Variants in IGF1R observed in about 807,000 individuals in gnomAD.
The protein encoded by IGF1R is insulin-like growth factor 1 receptor.
Under a neutral mutation model 144.6 loss-of-function variants are expected in IGF1R, and 44 were observed. The observed-to-expected ratio is 0.30, with a 90% CI of 0.24 to 0.39. IGF1R has a LOEUF of 0.39. Ranked by LOEUF, IGF1R falls within the 10% of genes least tolerant of loss-of-function variation. IGF1R has a pLI of 1.00. For synonymous variants in IGF1R, 795 were observed against 722.8 expected, an observed-to-expected ratio of 1.10 and a Z score of -1.60; for missense variants, 1,355 against 1,833.7, an observed-to-expected ratio of 0.74 and a Z score of 4.77.
At chr15:98,840,174 A>G (rs2011149311) in intron 2 of IGF1R, among the ~76,000 whole-genome samples, 1 of 151,442 alleles carries the variant, frequency 6.6e-6, no homozygotes, top group African/African-American at 2.4e-5. Context: ...ACTGTCACGG[A>G]CTCTCTCCCC....
intron 1 of IGF1R, among the ~76,000 whole-genome samples, chr15:98,698,374 T>C (rs2053646712): frequency 6.6e-6 from 1 of 152,206 alleles, no homozygotes. Context: ...TCAGTTTAAG[T>C]ACCTTTACAC....
intron 2 of IGF1R, among the ~76,000 whole-genome samples, chr15:98,800,918 G>T (rs1468305434): frequency 2.0e-5 from 3 of 152,188 alleles, no homozygotes; most frequent in African/African-American, 4.8e-5. Context: ...CATTTTAAAG[G>T]ATATTGTTCA....
chr15:98,855,034 T>G (rs1176458736), intron 2 of IGF1R, among the ~76,000 whole-genome samples: 2 of 152,090 alleles, frequency 1.3e-5, no homozygotes, highest in Non-Finnish European at 2.9e-5. Flanking sequence ...TAGAACCACC[T>G]TCATACAGCC....
At chr15:98,902,649 T>TGG (rs2014543288) in intron 5 of IGF1R, among the ~76,000 whole-genome samples, 1 of 151,520 alleles carries the variant, frequency 6.6e-6, no homozygotes, top group Admixed American at 6.6e-5. Context: ...CTCCTGACCT[T>TGG]GTGATCCGCC....
Position 98,935,298 on chromosome 15 carries a change from CTT to C in IGF1R, c.3187-14_3187-13del. The C allele has an allele frequency of 6.6e-7, 1 of 1,515,880 alleles. No homozygotes were observed. The highest frequency in any genetic ancestry group is 9.0e-7 in the Non-Finnish European group (1 of 1,115,392). 93.9% of individuals were successfully genotyped at this position (1,515,880 alleles called of 1,614,324 possible). ...GCCACCTGACCCTCTGAGTCTTTCT[CTT>C]TTTGATTCCTCCCAGGTGCGATTGC... On this transcript the variant is annotated splice_polypyrimidine_tract_variant and intron_variant, in intron 16 of 20. Coordinates refer to ENST00000650285, the MANE Select transcript of IGF1R (RefSeq NM_000875.5). The surrounding 1 kb of genome is among the most constrained non-coding windows in gnomAD (Gnocchi z 4.2).
At chr15:98,888,415 G>A (rs2013742305) in intron 2 of IGF1R, among the ~76,000 whole-genome samples, 1 of 144,792 alleles carries the variant, frequency 6.9e-6, no homozygotes, top group African/African-American at 2.6e-5. Context: ...TCTTCAAGTG[G>A]GGGTTTGATG....
At chr15:98,689,876 T>G (rs1299468362) in intron 1 of IGF1R, among the ~76,000 whole-genome samples, 1 of 152,150 alleles carries the variant, frequency 6.6e-6, no homozygotes, top group African/African-American at 2.4e-5. Flanking sequence ...CACACTGTCC[T>G]CACGCTGCCC....
intron 2 of IGF1R, among the ~76,000 whole-genome samples, chr15:98,714,865 A>G (rs1442701490): frequency 6.6e-6 from 1 of 152,082 alleles, no homozygotes; most frequent in Admixed American, 6.5e-5. Context: ...GTTTCTGTTA[A>G]GCACTGTGTG....
rs2017108087 is a variant in IGF1R, at chr15:98,958,681, TCATCTATA to T, written c.*1241_*1248del. 3 of 229,784 alleles carry T rather than the reference TCATCTATA, an allele frequency of 1.3e-5. No homozygotes were observed. The highest frequency in any genetic ancestry group is 5.8e-5 in the Admixed American group (1 of 17,280). The allele number at this position is 229,784 out of a possible 1,614,324, so 14.2% of individuals were successfully genotyped here. On this transcript the variant is annotated 3_prime_UTR_variant, in exon 21 of 21. Transcript: ENST00000650285. ...TATAACTTTTTTACGGTTCAGATAT[TCATCTATA>T]CGTCTGTACAGAAAAAAAAAAGCTG...
At chr15:98,812,782 G>A (rs939355419) in intron 2 of IGF1R, among the ~76,000 whole-genome samples, 8 of 151,480 alleles carry the variant, frequency 5.3e-5, no homozygotes, top group South Asian at 4.2e-4. Context: ...AATTTCTTAC[G>A]TATTAATATA....
intron 1 of IGF1R, among the ~76,000 whole-genome samples, chr15:98,658,579 A>G (rs1353889338): frequency 6.6e-6 from 1 of 152,220 alleles, no homozygotes; most frequent in Non-Finnish European, 1.5e-5. Flanking sequence ...CAAGATCATA[A>G]CTTTCAAAAG....
At chr15:98,714,486 AAT>A (rs1371887240) in intron 2 of IGF1R, among the ~76,000 whole-genome samples, 1 of 152,114 alleles carries the variant, frequency 6.6e-6, no homozygotes, top group Non-Finnish European at 1.5e-5. Context: ...CATATAAAAA[AAT>A]TTAAATAATT....
intron 2 of IGF1R, among the ~76,000 whole-genome samples, chr15:98,722,551 G>C (rs113496101): frequency 6.6e-6 from 1 of 152,270 alleles, no homozygotes; most frequent in African/African-American, 2.4e-5. Context: ...CTCCATATGT[G>C]CCCTCAAGCC....
rs942310846 is a variant in IGF1R at position 98,852,534 on chromosome 15, A to G, written c.641-38791A>G. ...AGTGGGCATCCCGCAAGGATGCAGC[A>G]GGAGTATTAGGGAGGCGATCACCAG... On this transcript the variant is annotated intron_variant, in intron 2 of 20. Transcript: ENST00000650285. 4.6e-5 allele frequency among the ~76,000 whole-genome samples: 7 copies of G among 152,332 alleles called. 1 individual carries two copies. In the South Asian group the frequency reaches 1.2e-3, roughly 27 times the overall value.
intron 2 of IGF1R, among the ~76,000 whole-genome samples, chr15:98,732,146 G>T (rs1261942114): frequency 6.6e-6 from 1 of 152,204 alleles, no homozygotes; most frequent in Non-Finnish European, 1.5e-5. Flanking sequence ...AACCAAATGG[G>T]AGTGTGGTGC....
chr15:98,847,709 T>G (rs2011387317), intron 2 of IGF1R, among the ~76,000 whole-genome samples: 1 of 152,220 alleles, frequency 6.6e-6, no homozygotes, highest in African/African-American at 2.4e-5. Flanking sequence ...ATCGTCTGGA[T>G]CTACATTATG....
At chr15:98,840,325 C>A (rs889708363) in intron 2 of IGF1R, among the ~76,000 whole-genome samples, 6 of 152,154 alleles carry the variant, frequency 3.9e-5, no homozygotes, top group African/African-American at 1.4e-4. Flanking sequence ...TTCTGTGGTG[C>A]AAAATAAGGT....
At chr15:98,701,315 G>A (rs1456556338) in intron 1 of IGF1R, among the ~76,000 whole-genome samples, 1 of 145,532 alleles carries the variant, frequency 6.9e-6, no homozygotes, top group East Asian at 2.0e-4. Context: ...TATAAGCTAA[G>A]CCTATCTCAT....
At chr15:98,756,007 G>C (rs1258120379) in intron 2 of IGF1R, among the ~76,000 whole-genome samples, 2 of 151,992 alleles carry the variant, frequency 1.3e-5, no homozygotes, top group Admixed American at 1.3e-4. Context: ...TTGCATTCCT[G>C]GAATAAGCCC....
Sources: allele counts gnomAD v4.1 joint callset (sites outside exome capture counted in the v4.1 genomes callset), GRCh38; gene constraint gnomAD v4.1.1; non-coding constraint Gnocchi (gnomAD v3.1); transcripts MANE v1.5; gene names NCBI Gene and HGNC (gene_info 2026-07-23, HGNC 2026-07-21).